TRPC7: variants seen among roughly 807,000 people sequenced by gnomAD.
The protein encoded by TRPC7 is transient receptor potential cation channel subfamily C member 7.
Under a neutral mutation model 90.1 loss-of-function variants are expected in TRPC7, and 42 were observed. The observed-to-expected ratio is 0.47, with a 90% CI of 0.36 to 0.60. TRPC7 has a LOEUF of 0.60. Ranked by LOEUF, TRPC7 falls within the 20% of genes least tolerant of loss-of-function variation. The probability of loss-of-function intolerance (pLI) is 0.00; values close to 1 mark genes in which losing one functional copy is unlikely to be tolerated. For missense variants in TRPC7, 955 were observed against 1,112.3 expected (o/e 0.86, Z 2.01); for synonymous variants, 451 against 436.3 (o/e 1.03, Z -0.42).
At chr5:136,262,260 A>T (rs539952077) in intron 5 of TRPC7, among the ~76,000 whole-genome samples, 34 of 152,284 alleles carry the variant, frequency 2.2e-4, no homozygotes, top group Middle Eastern at 6.8e-3. Context: ...AAAACTCTCC[A>T]AAGGCTGCCT....
At chr5:136,321,209 C>T (rs139990547) in intron 2 of TRPC7, among the ~76,000 whole-genome samples, 38 of 152,234 alleles carry the variant, frequency 2.5e-4, no homozygotes, top group African/African-American at 8.7e-4. Context: ...TGGGGAGCAG[C>T]GTGTTTCCTT....
intron 3 of TRPC7, among the ~76,000 whole-genome samples, chr5:136,282,532 C>A (rs1757579646): frequency 6.6e-6 from 1 of 151,748 alleles, no homozygotes; most frequent in African/African-American, 2.4e-5. Flanking sequence ...TCTATATTGC[C>A]CATATTTTAT....
At chr5:136,232,935 T>TA (rs1442019775) in intron 7 of TRPC7, among the ~76,000 whole-genome samples, 1 of 152,210 alleles carries the variant, frequency 6.6e-6, no homozygotes, top group East Asian at 1.9e-4. Flanking sequence ...GCTAGATCTT[T>TA]AAAAATATCA....
chr5:136,356,708 C>G lies in TRPC7; in HGVS notation c.680G>C (p.Ser227Thr). 6.2e-7 allele frequency: 1 copy of G among 1,610,816 alleles called. No individual in the cohort carries two copies. The highest frequency in any genetic ancestry group is 8.5e-7 in the Non-Finnish European group (1 of 1,177,968). Residue 227 changes from serine (S) to threonine (T), a missense_variant, in exon 2 of 12, where the codon AGT becomes ACT. Ser to Thr is a moderately conservative substitution (Grantham distance 58, BLOSUM62 1). Coordinates refer to ENST00000513104, the MANE Select transcript of TRPC7 (RefSeq NM_020389.3). ...GCTGGACAGGGACAAGTAGGCAGCA[C>G]TCGCCAGTCCTTTGTAGGCGTTCAT... ...SRMNAYKGLA[S>T]AAYLSLSSED...
At chr5:136,311,830 G>A (rs187301495) in intron 3 of TRPC7, among the ~76,000 whole-genome samples, 105 of 152,330 alleles carry the variant, frequency 6.9e-4, no homozygotes, top group Non-Finnish European at 1.3e-3. Context: ...GAGGGGCTGG[G>A]ATGCACTGAG....
In TRPC7 at chr5:136,247,696, G is replaced by A. The variant is rs1397780134; in HGVS notation, c.1619C>T (p.Ser540Leu). ...KWWPSDPQIISEGLYAIAVVL... is the reference protein window; with the variant it reads ...KWWPSDPQIILEGLYAIAVVL... The stretch of plus-strand genomic sequence containing the variant: ...GACGGCTATCGCGTAGAGCCCTTCC[G>A]ATATGATCTGAGGGTCTGAAGGCCA... The change falls in exon 7 of 12, where the codon TCG (serine) becomes TTG (leucine). Residue 540 changes from serine to leucine, a missense_variant. Physicochemically the swap from Ser to Leu is moderately radical, Grantham distance 145. Coordinates refer to ENST00000513104, the MANE Select transcript of TRPC7 (RefSeq NM_020389.3). The surrounding 1 kb of genome is among the most constrained non-coding windows in gnomAD (Gnocchi z 4.2). 2.5e-6 allele frequency: 4 copies of A among 1,613,930 alleles called. No homozygotes were observed. The highest frequency in any genetic ancestry group is 1.1e-5 in the South Asian group (1 of 91,074).
chr5:136,313,364 TC>T (rs1171549151), intron 3 of TRPC7, among the ~76,000 whole-genome samples: 2 of 147,588 alleles, frequency 1.4e-5, no homozygotes, highest in African/African-American at 2.5e-5. Flanking sequence ...GCCTGAAGCC[TC>T]AGGAGATGTC....
chr5:136,354,401 G>A (rs922488709), intron 2 of TRPC7, among the ~76,000 whole-genome samples: 6 of 152,134 alleles, frequency 3.9e-5, no homozygotes, highest in African/African-American at 9.7e-5. Context: ...TCTCAGATGG[G>A]GGACAGATGA....
At chr5:136,278,879 G>A (rs762200150) in intron 3 of TRPC7, among the ~76,000 whole-genome samples, 8 of 151,944 alleles carry the variant, frequency 5.3e-5, no homozygotes, top group African/African-American at 9.7e-5. Flanking sequence ...CTCTATAGAC[G>A]TCTGACACTC....
chr5:136,217,379 T>C (rs1444809687), intron 10 of TRPC7, among the ~76,000 whole-genome samples: 2 of 152,240 alleles, frequency 1.3e-5, no homozygotes, highest in African/African-American at 4.8e-5. Context: ...TCATCAATTA[T>C]GGTTCTTTCC....
chr5:136,317,775 T>G (rs1759067129), intron 2 of TRPC7, among the ~76,000 whole-genome samples: 1 of 152,154 alleles, frequency 6.6e-6, no homozygotes, highest in Admixed American at 6.5e-5. Flanking sequence ...GCTGAAGTCA[T>G]GGGTGGGTAT....
At chr5:136,226,326 C>G in intron 8 of TRPC7, 71 bp from the exon 9 acceptor site, 1 of 1,091,866 alleles carries the variant, frequency 9.2e-7, no homozygotes, top group African/African-American at 1.6e-5. Flanking sequence ...ACCTGAGGAG[C>G]AGAGACACAG....
chr5:136,268,020 A>C (rs1757091247), intron 4 of TRPC7, among the ~76,000 whole-genome samples: 1 of 152,170 alleles, frequency 6.6e-6, no homozygotes, highest in African/African-American at 2.4e-5. Context: ...ACTGAAGGTG[A>C]TAGAGATAGA....
intron 2 of TRPC7, among the ~76,000 whole-genome samples, chr5:136,319,751 C>T (rs1250179623): frequency 6.6e-6 from 1 of 152,172 alleles, no homozygotes; most frequent in Non-Finnish European, 1.5e-5. Flanking sequence ...CTGATCACTT[C>T]CTTCTCCTTG....
chr5:136,277,853 C>T (rs780779403), intron 3 of TRPC7, among the ~76,000 whole-genome samples: 10 of 152,202 alleles, frequency 6.6e-5, no homozygotes, highest in Non-Finnish European at 1.5e-5. Context: ...GAACATGGCA[C>T]ACTTTTAGGA....
chr5:136,284,728 G>A (rs2149820601), intron 3 of TRPC7, among the ~76,000 whole-genome samples: 1 of 152,328 alleles, frequency 6.6e-6, no homozygotes. Flanking sequence ...GATGTGGAGG[G>A]ACAGTGAGGA....
Position 136,247,410 on chromosome 5 carries a change from A to C in TRPC7, c.1844+61T>G. ...CTCTGCAAGAAGCCACCTTCAGGAGACTCCCAAGGATTCCCAGGAAGCCCA... is the reference window on the plus strand; with the variant it reads ...CTCTGCAAGAAGCCACCTTCAGGAGCCTCCCAAGGATTCCCAGGAAGCCCA... On this transcript the variant is annotated intron_variant, in intron 7 of 11. Transcript: ENST00000513104. The surrounding 1 kb of genome is among the most constrained non-coding windows in gnomAD (Gnocchi z 4.2). 3 of 1,525,868 alleles carry C rather than the reference A, an allele frequency of 2.0e-6. No homozygotes were observed. Among genetic ancestry groups the C allele is most frequent in the Non-Finnish European group, 2.6e-6 (3 of 1,133,354 alleles). 94.5% of individuals were successfully genotyped at this position (1,525,868 alleles called of 1,614,324 possible). A position where few individuals can be genotyped will look rare whatever the true frequency, so the allele number is the denominator to read the frequency against.
intron 5 of TRPC7, among the ~76,000 whole-genome samples, chr5:136,263,621 A>G (rs1756934984): frequency 6.6e-6 from 1 of 152,188 alleles, no homozygotes; most frequent in African/African-American, 2.4e-5. Flanking sequence ...ATAAAAGAGA[A>G]CCAAATAAGA....
At position 136,213,360 on chromosome 5, in the gene TRPC7, C is replaced by T; in HGVS notation, c.*75G>A. Reference sequence around the variant, plus strand: ...GAGGAGTGGGCTGGGGACCCCTCCCCACCAAGGATGGGGGCGAGGGCATCC... The same window carrying T: ...GAGGAGTGGGCTGGGGACCCCTCCCTACCAAGGATGGGGGCGAGGGCATCC... On this transcript the variant is annotated 3_prime_UTR_variant, in exon 12 of 12. Coordinates refer to ENST00000513104, the MANE Select transcript of TRPC7 (RefSeq NM_020389.3). The T allele has an allele frequency of 6.6e-7, 1 of 1,524,494 alleles. No individual in the cohort carries two copies. Among genetic ancestry groups the T allele is most frequent in the Non-Finnish European group, 8.9e-7 (1 of 1,122,364 alleles). The allele number at this position is 1,524,494 out of a possible 1,614,324, so 94.4% of individuals were successfully genotyped here. A position where few individuals can be genotyped will look rare whatever the true frequency, so the allele number is the denominator to read the frequency against.
Sources: allele counts gnomAD v4.1 joint callset (sites outside exome capture counted in the v4.1 genomes callset), GRCh38; gene constraint gnomAD v4.1.1; non-coding constraint Gnocchi (gnomAD v3.1); transcripts MANE v1.5; gene names NCBI Gene and HGNC (gene_info 2026-07-23, HGNC 2026-07-21).